AGFG1: variants seen among roughly 807,000 people sequenced by gnomAD.
The protein encoded by AGFG1 is arf-GAP domain and FG repeat-containing protein 1.
Under a neutral mutation model 60.6 loss-of-function variants are expected in AGFG1, and 10 were observed. The ratio of observed to expected loss-of-function variants is 0.16; its 90% CI spans 0.10 to 0.28. The LOEUF is 0.28. AGFG1 is among the 10% of genes least tolerant of loss of function. AGFG1 has a pLI of 1.00. For missense variants in AGFG1, 537 were observed against 676.5 expected, an observed-to-expected ratio of 0.79 and a Z score of 2.29; for synonymous variants, 247 against 242.9, an observed-to-expected ratio of 1.02 and a Z score of -0.16.
chr2:227,508,688 A>ATTT (rs11464376), intron 2 of AGFG1: 204 of 393,990 alleles, frequency 5.2e-4, no homozygotes, highest in South Asian at 7.2e-4. Flanking sequence ...CACTGTTGGG[A>ATTT]TTTTTTTTTT....
chr2:227,483,306 C>G (rs1185990177), intron 1 of AGFG1, among the ~76,000 whole-genome samples: 3 of 152,156 alleles, frequency 2.0e-5, no homozygotes, highest in African/African-American at 4.8e-5. Context: ...TTTAATTACT[C>G]TAAAAATTGT....
chr2:227,551,277 C>T (rs1363544353), intron 10 of AGFG1, among the ~76,000 whole-genome samples: 1 of 152,142 alleles, frequency 6.6e-6, no homozygotes, highest in Non-Finnish European at 1.5e-5. Context: ...TTCCTTCAGT[C>T]TCGCAAAGCT....
In AGFG1 at chr2:227,472,504, A is replaced by C. The variant is rs1228468749; in HGVS notation, c.83A>C (p.Lys28Thr). ...ATGACCGGCCTCCCGCACAACCGAA[A>C]GTGCTTCGACTGCGACCAGCGCGGC... ...RDMTGLPHNR[K>T]CFDCDQRGPT... is the part of the protein sequence containing the mutation. The change falls in exon 1 of 13, where the codon AAG becomes ACG. Residue 28 changes from lysine to threonine, a missense_variant. Lys to Thr is a moderately conservative substitution (Grantham distance 78). Coordinates refer to ENST00000310078, the MANE Select transcript of AGFG1 (RefSeq NM_004504.5). 6.3e-7 allele frequency: 1 copy of C among 1,582,140 alleles called. No individual in the cohort carries two copies. The highest frequency in any genetic ancestry group is 1.1e-5 in the South Asian group (1 of 89,080).
At chr2:227,544,339 A>G (rs1251003657) in intron 10 of AGFG1, among the ~76,000 whole-genome samples, 3 of 152,126 alleles carry the variant, frequency 2.0e-5, no homozygotes, top group Non-Finnish European at 4.4e-5. Context: ...TATTTTTAGT[A>G]GAGACGGGAT....
chr2:227,533,045 G>C (rs1245219861), intron 6 of AGFG1, among the ~76,000 whole-genome samples: 1 of 152,174 alleles, frequency 6.6e-6, no homozygotes, highest in Admixed American at 6.5e-5. Flanking sequence ...AGTGAAGTAA[G>C]TATAAATGTC....
intron 1 of AGFG1, among the ~76,000 whole-genome samples, chr2:227,490,183 T>A (rs1461796242): frequency 6.6e-6 from 1 of 152,214 alleles, no homozygotes; most frequent in African/African-American, 2.4e-5. Context: ...CCCAAAATAT[T>A]TTTTAAAAAC....
At chr2:227,472,767 G>C (rs1200166499) in intron 1 of AGFG1, among the ~76,000 whole-genome samples, 179 bp downstream of exon 1, 1 of 151,986 alleles carries the variant, frequency 6.6e-6, no homozygotes, top group African/African-American at 2.4e-5. Flanking sequence ...GGATGCGCAG[G>C]GCCCGGGCAG....
At chr2:227,542,528 A>G (rs112336615) in intron 10 of AGFG1, among the ~76,000 whole-genome samples, 21,125 of 152,220 alleles carry the variant, frequency 0.14, 1,789 homozygotes, top group East Asian at 0.2. Context: ...CATGGTGGAT[A>G]AGCTTTTTGA....
chr2:227,513,089 C>T (rs940974848), intron 2 of AGFG1, among the ~76,000 whole-genome samples: 1 of 152,118 alleles, frequency 6.6e-6, no homozygotes, highest in Non-Finnish European at 1.5e-5. Flanking sequence ...CAACAAGTTT[C>T]CACTCCAATT....
At chr2:227,477,158 C>T (rs923208562) in intron 1 of AGFG1, among the ~76,000 whole-genome samples, 2 of 152,132 alleles carry the variant, frequency 1.3e-5, no homozygotes, top group Non-Finnish European at 2.9e-5. Flanking sequence ...GCCTTGGCCT[C>T]TCAAAGTGCT....
chr2:227,494,446 A>G (rs1452456071), intron 2 of AGFG1, among the ~76,000 whole-genome samples: 1 of 152,242 alleles, frequency 6.6e-6, no homozygotes, highest in African/African-American at 2.4e-5. Context: ...CATCTTGTGC[A>G]TGAATGAGTT....
intron 12 of AGFG1, among the ~76,000 whole-genome samples, 183 bp downstream of exon 12, chr2:227,553,978 T>G (rs752308737): frequency 6.6e-6 from 1 of 152,172 alleles, no homozygotes; most frequent in East Asian, 1.9e-4. Flanking sequence ...TTTAAAAAAT[T>G]AGTTGCAAAT....
chr2:227,502,673 G>A (rs1691195029), intron 2 of AGFG1, among the ~76,000 whole-genome samples: 1 of 152,054 alleles, frequency 6.6e-6, no homozygotes, highest in East Asian at 1.9e-4. Flanking sequence ...TTGTCATTTT[G>A]ATGAAATACA....
chr2:227,482,334 A>C (rs1165840022), intron 1 of AGFG1, among the ~76,000 whole-genome samples: 1 of 152,170 alleles, frequency 6.6e-6, no homozygotes, highest in Non-Finnish European at 1.5e-5. Flanking sequence ...ATTATTATAT[A>C]TAGAAAGCTA....
chr2:227,502,006 G>T (rs561681936), intron 2 of AGFG1, among the ~76,000 whole-genome samples: 1 of 151,926 alleles, frequency 6.6e-6, no homozygotes, highest in Non-Finnish European at 1.5e-5. Flanking sequence ...CTACAGGTGC[G>T]TGCCACCATG....
chr2:227,546,327 T>A lies in AGFG1; in HGVS notation c.1379-5632T>A, dbSNP rs188575170. Among the ~76,000 whole-genome samples, 395 of 152,344 alleles carry A rather than the reference T, an allele frequency of 2.6e-3. 2 individuals are homozygous for A. The highest frequency in any genetic ancestry group is 9.0e-3 in the African/African-American group (373 of 41,574). On this transcript the variant is annotated intron_variant, in intron 10 of 12. Transcript: ENST00000310078. ...TATAATCTTCTGGTGTGCCGTTTGC[T>A]AAGACCTTTGGCAAAGTGCAGTATT...
chr2:227,526,539 C>CT (rs777649930), intron 5 of AGFG1, among the ~76,000 whole-genome samples: 10,625 of 92,484 alleles, frequency 0.11, 995 homozygotes, highest in South Asian at 0.17. Flanking sequence ...TGCCCAGCCT[C>CT]TTTTTTTTTT....
At chr2:227,546,034 C>G (rs540423565) in intron 10 of AGFG1, among the ~76,000 whole-genome samples, 8 of 152,172 alleles carry the variant, frequency 5.3e-5, no homozygotes, top group African/African-American at 1.7e-4. Flanking sequence ...CAGACAGAGA[C>G]GTTTAAGTCT....
rs370560936 is a variant in AGFG1 at position 227,491,369 on chromosome 2, C to G, written c.168-178C>G. On this transcript the variant is annotated intron_variant, in intron 1 of 12. Coordinates refer to ENST00000310078, the MANE Select transcript of AGFG1 (RefSeq NM_004504.5). ...CTATTATTTAATGAGTCTAACCAAA[C>G]CTTAATATCTATTATTAAGTTTAAT... Among the ~76,000 whole-genome samples the G allele has an allele frequency of 7.9e-5, 12 of 152,008 alleles. No homozygotes were observed. In the East Asian group the frequency reaches 1.9e-3, roughly 24 times the overall value.
Sources: gnomAD v4.1 joint callset for allele counts (sites outside exome capture counted in the v4.1 genomes callset) on GRCh38, gnomAD v4.1.1 for gene constraint, MANE v1.5 for transcripts, NCBI Gene and HGNC (gene_info 2026-07-23, HGNC 2026-07-21) for gene names.